Variants in HTR1E observed in about 807,000 individuals in gnomAD.
HTR1E encodes the protein 5-hydroxytryptamine receptor 1E.
HTR1E carries 3 observed loss-of-function variants against 3.4 expected under a neutral mutation model. The ratio of observed to expected loss-of-function variants is 0.89; its 90% confidence interval spans 0.41 to 2.31. The LOEUF (loss-of-function observed/expected upper bound fraction) is 2.31. Ranked by LOEUF, HTR1E falls within the 30% of genes most tolerant of loss-of-function variation. The probability of loss-of-function intolerance (pLI) is 0.05; values close to 1 mark genes in which losing one functional copy is unlikely to be tolerated. For missense variants in HTR1E, 392 were observed against 467.0 expected (o/e 0.84, Z 1.48); for synonymous variants, 170 against 182.8 (o/e 0.93, Z 0.56).
chr6:86,988,116 T>A (rs1292369415), intron 1 of HTR1E, among the ~76,000 whole-genome samples: 1 of 152,154 alleles, frequency 6.6e-6, no homozygotes, highest in Non-Finnish European at 1.5e-5. Context: ...CTTGCCAACA[T>A]TACAAAGCTA....
At chr6:86,958,158 A>G (rs1455457157) in intron 1 of HTR1E, among the ~76,000 whole-genome samples, 4 of 147,944 alleles carry the variant, frequency 2.7e-5, no homozygotes, top group Admixed American at 6.9e-5. Flanking sequence ...TCCTGGGTTG[A>G]CACCATTCTC....
chr6:87,015,742 C>G lies in HTR1E; in HGVS notation c.408C>G (p.Ala136=). The change falls in exon 2 of 2, where the codon GCC becomes GCG. Residue 136 remains alanine, a synonymous_variant. Transcript: ENST00000305344. ...TTGAATACGCCAGGAAGAGGACGGC[C>G]AAGAGGGCCGCGCTGATGATCCTTA... ...NAIEYARKRT[A]KRAALMILTV... 2 of 1,609,938 alleles carry G rather than the reference C, an allele frequency of 1.2e-6. No individual in the cohort carries two copies. Among genetic ancestry groups the G allele is most frequent in the South Asian group, 2.2e-5 (2 of 90,462 alleles).
intron 1 of HTR1E, among the ~76,000 whole-genome samples, chr6:86,941,612 T>G (rs1768547098): frequency 6.6e-6 from 1 of 152,228 alleles, no homozygotes; most frequent in South Asian, 2.1e-4. Flanking sequence ...TCCTTCTGCA[T>G]CTGGATCATT....
chr6:86,968,185 A>G (rs999065207), intron 1 of HTR1E, among the ~76,000 whole-genome samples: 2 of 152,204 alleles, frequency 1.3e-5, no homozygotes, highest in Admixed American at 6.5e-5. Context: ...GTGTACCACA[A>G]TTTATTTAAC....
intron 1 of HTR1E, among the ~76,000 whole-genome samples, chr6:87,001,556 G>A (rs879403217): frequency 3.9e-5 from 6 of 152,186 alleles, no homozygotes; most frequent in Non-Finnish European, 8.8e-5. Context: ...TGAGAGCTCA[G>A]TCTCAAATCC....
intron 1 of HTR1E, among the ~76,000 whole-genome samples, chr6:86,940,342 C>A (rs1768527666): frequency 6.6e-6 from 1 of 152,032 alleles, no homozygotes; most frequent in Non-Finnish European, 1.5e-5. Context: ...TCGAGACCAG[C>A]CTGAGCAAAA....
intron 1 of HTR1E, among the ~76,000 whole-genome samples, chr6:86,952,946 G>T (rs1026677560): frequency 1.3e-5 from 2 of 152,136 alleles, no homozygotes; most frequent in Non-Finnish European, 2.9e-5. Flanking sequence ...TGAAGAGTAG[G>T]ATAAATAGGT....
At chr6:87,000,046 T>G (rs1767997299) in intron 1 of HTR1E, 1 of 170,430 alleles carries the variant, frequency 5.9e-6, no homozygotes, top group South Asian at 1.7e-4. Flanking sequence ...ACATAACAGC[T>G]AATGTGTGGC....
chr6:86,943,783 T>C (rs1036452234), intron 1 of HTR1E, among the ~76,000 whole-genome samples: 5 of 152,208 alleles, frequency 3.3e-5, no homozygotes, highest in Non-Finnish European at 7.4e-5. Context: ...TTATGAGGAT[T>C]AAATGTGTGT....
At chr6:86,958,232 G>T (rs1045324445) in intron 1 of HTR1E, among the ~76,000 whole-genome samples, 3 of 151,998 alleles carry the variant, frequency 2.0e-5, no homozygotes, top group Admixed American at 6.6e-5. Flanking sequence ...CTAATTTTTT[G>T]TATTTTTAGT....
chr6:87,000,303 A>T (rs1419285889), intron 1 of HTR1E: 1 of 152,244 alleles, frequency 6.6e-6, no homozygotes, highest in African/African-American at 2.4e-5. Context: ...AAAAGGGGTC[A>T]ATTCAGCTAG....
At chr6:86,979,672 G>A (rs2127825076) in intron 1 of HTR1E, among the ~76,000 whole-genome samples, 1 of 152,184 alleles carries the variant, frequency 6.6e-6, no homozygotes, top group South Asian at 2.1e-4. Context: ...TGCATGCCTG[G>A]ATCAATCAAA....
rs73497516 is a variant in HTR1E, at chr6:86,937,564, G to C, written c.-445G>C. On this transcript the variant is annotated 5_prime_UTR_variant, in exon 1 of 2. Coordinates refer to ENST00000305344, the MANE Select transcript of HTR1E (RefSeq NM_000865.3). Reference sequence around the variant, plus strand: ...CCAGACTCGGCGAAGCGCAGCGCCTGCCACCAGCGGTGCCTCGGGCTGCCC... The same window carrying C: ...CCAGACTCGGCGAAGCGCAGCGCCTCCCACCAGCGGTGCCTCGGGCTGCCC... The C allele has an allele frequency of 0.013, 1,963 of 152,714 alleles. 39 individuals carry two copies. Among genetic ancestry groups the C allele is most frequent in the African/African-American group, 0.044 (1,849 of 41,576 alleles). 9.5% of individuals were successfully genotyped at this position (152,714 alleles called of 1,614,324 possible). A position where few individuals can be genotyped will look rare whatever the true frequency, so the allele number is the denominator to read the frequency against.
intron 1 of HTR1E, among the ~76,000 whole-genome samples, chr6:86,956,726 A>G (rs1211722957): frequency 6.6e-6 from 1 of 152,122 alleles, no homozygotes; most frequent in Non-Finnish European, 1.5e-5. Context: ...ATTGATTGAG[A>G]AAAAAAATTT....
rs560939553 is a variant in HTR1E, at chr6:87,014,713, C to G, written c.-185-437C>G. On this transcript the variant is annotated intron_variant, in intron 1 of 1. Coordinates refer to ENST00000305344, the MANE Select transcript of HTR1E (RefSeq NM_000865.3). ...ACAAACTAACACAGGAACAGAAAAC[C>G]AAACACCACATGCTCTCACTCACGA... Among the ~76,000 whole-genome samples, 15 of 152,174 alleles carry G rather than the reference C, an allele frequency of 9.9e-5. No homozygotes were observed. The South Asian group carries it at 3.1e-3, about 32-fold the overall frequency.
intron 1 of HTR1E, among the ~76,000 whole-genome samples, chr6:86,942,399 G>C (rs534686232): frequency 6.6e-6 from 1 of 152,016 alleles, no homozygotes; most frequent in Admixed American, 6.6e-5. Context: ...GTTGAACTCT[G>C]CCCTAGTCAA....
rs146306190 is a variant in HTR1E at position 86,964,472 on chromosome 6, T to A, written c.-186+26649T>A. 5.5e-4 allele frequency among the ~76,000 whole-genome samples: 84 copies of A among 152,334 alleles called. 1 individual carries two copies. In the East Asian group the frequency reaches 0.012, roughly 22 times the overall value. Reference sequence around the variant, plus strand: ...CTCAGTGTGAGACACAAGGAAAATGTGATAGCAGGTGATATACTCATTTAG... The same window carrying A: ...CTCAGTGTGAGACACAAGGAAAATGAGATAGCAGGTGATATACTCATTTAG... On this transcript the variant is annotated intron_variant, in intron 1 of 1. Transcript: ENST00000305344.
chr6:86,967,743 G>T (rs927180429), intron 1 of HTR1E, among the ~76,000 whole-genome samples: 2 of 152,092 alleles, frequency 1.3e-5, no homozygotes, highest in Non-Finnish European at 2.9e-5. Flanking sequence ...GTTATTTCTT[G>T]TGTTCAGTGT....
At chr6:87,000,868 G>C (rs1352994407) in intron 1 of HTR1E, among the ~76,000 whole-genome samples, 1 of 152,164 alleles carries the variant, frequency 6.6e-6, no homozygotes, top group Non-Finnish European at 1.5e-5. Flanking sequence ...TAATTGTGGT[G>C]TGTAAACTAT....
Sources: allele counts gnomAD v4.1 joint callset (sites outside exome capture counted in the v4.1 genomes callset), GRCh38; gene constraint gnomAD v4.1.1; transcripts MANE v1.5; gene names NCBI Gene and HGNC (gene_info 2026-07-23, HGNC 2026-07-21).